The following DPP6 variants were observed in gnomAD, a reference collection of about 807,000 sequenced individuals.
DPP6 encodes the protein dipeptidyl peptidase like 6, also known as A-type potassium channel modulatory protein DPP6.
In DPP6, 69 loss-of-function variants were observed where a neutral mutation model predicts 122.6. The ratio of observed to expected loss-of-function variants is 0.56; its 90% CI spans 0.46 to 0.69. The LOEUF (loss-of-function observed/expected upper bound fraction) is 0.69, where lower values mean the gene tolerates loss of function less well. Among genes scored for constraint, DPP6 ranks in the 30% least tolerant of loss-of-function variants. DPP6 has a pLI of 0.00. For synonymous variants in DPP6, 418 were observed against 433.1 expected, an observed-to-expected ratio of 0.97 and a Z score of 0.43; for missense variants, 928 against 1,116.9, an observed-to-expected ratio of 0.83 and a Z score of 2.41.
At chr7:154,531,980 A>G (rs1301366505) in intron 3 of DPP6, among the ~76,000 whole-genome samples, 1 of 152,144 alleles carries the variant, frequency 6.6e-6, no homozygotes, top group Non-Finnish European at 1.5e-5. Flanking sequence ...AAATAATGAG[A>G]GAGAAACAAG....
chr7:154,677,990 A>G (rs1251243043), intron 7 of DPP6, among the ~76,000 whole-genome samples: 4 of 152,220 alleles, frequency 2.6e-5, no homozygotes, highest in African/African-American at 9.6e-5. Flanking sequence ...AAAGGTTTGT[A>G]AACGCAGGGA....
At chr7:153,837,621 G>C in the DPP6 span, among the ~76,000 whole-genome samples, 5 of 152,012 alleles carry the variant, frequency 3.3e-5, no homozygotes, top group Non-Finnish European at 5.9e-5. Context: ...CTGTCTTATT[G>C]AATGTATAGA....
intron 8 of DPP6, among the ~76,000 whole-genome samples, chr7:154,754,418 T>C (rs1001824772): frequency 3.3e-5 from 5 of 152,260 alleles, no homozygotes; most frequent in Admixed American, 2.6e-4. Flanking sequence ...GGTAGTTAAG[T>C]CACTGTCTAA....
intron 1 of DPP6, among the ~76,000 whole-genome samples, chr7:154,247,531 G>A (rs972816167): frequency 6.6e-6 from 1 of 152,092 alleles, no homozygotes; most frequent in African/African-American, 2.4e-5. Flanking sequence ...GGAAATGCCA[G>A]CTAAAACCAT....
chr7:154,859,721 C>T (rs1347487234), intron 17 of DPP6, among the ~76,000 whole-genome samples: 2 of 152,112 alleles, frequency 1.3e-5, no homozygotes, highest in African/African-American at 2.4e-5. Context: ...TCATTTGGTG[C>T]CTGGATATTC....
At chr7:154,508,533 A>G (rs1825830481) in intron 3 of DPP6, among the ~76,000 whole-genome samples, 1 of 152,170 alleles carries the variant, frequency 6.6e-6, no homozygotes, top group Non-Finnish European at 1.5e-5. Context: ...TATATTTCCC[A>G]TTAATTCACA....
chr7:154,852,676 T>A (rs1426715429), intron 16 of DPP6, among the ~76,000 whole-genome samples: 2 of 152,224 alleles, frequency 1.3e-5, no homozygotes, highest in Non-Finnish European at 1.5e-5. Flanking sequence ...TTCTTGACTG[T>A]CTCGGAGCTT....
intron 1 of DPP6, chr7:153,887,787 G>A: frequency 6.3e-7 from 1 of 1,595,442 alleles, no homozygotes; most frequent in Non-Finnish European, 8.6e-7. Flanking sequence ...ACCGTGAGGA[G>A]CGATGCTGGG....
chr7:154,368,128 G>A (rs1234001099), intron 1 of DPP6, among the ~76,000 whole-genome samples: 1 of 152,196 alleles, frequency 6.6e-6, no homozygotes, highest in African/African-American at 2.4e-5. Flanking sequence ...ACTGTGGAAT[G>A]TAAGTGAAAT....
chr7:154,501,973 C>T (rs1156698523), intron 3 of DPP6, among the ~76,000 whole-genome samples: 2 of 152,146 alleles, frequency 1.3e-5, no homozygotes, highest in East Asian at 1.9e-4. Flanking sequence ...CATAAGAACC[C>T]ACCTCTTGCA....
chr7:154,064,662 T>C lies in DPP6; in HGVS notation c.243+11599T>C, dbSNP rs181854336. Among the ~76,000 whole-genome samples, 207 of 152,286 alleles carry C rather than the reference T, an allele frequency of 1.4e-3. 3 individuals are homozygous for C. Among genetic ancestry groups the C allele is most frequent in the Non-Finnish European group, 2.0e-3 (137 of 68,016 alleles). On this transcript the variant is annotated intron_variant, in intron 1 of 25. Transcript: ENST00000377770. ...CCTAACTCTCAGATTTACTTTTCTC[T>C]GTGGGTGTTAATCTCAAGCAGATAG... is the stretch of plus-strand genomic sequence containing the variant.
intron 1 of DPP6, among the ~76,000 whole-genome samples, chr7:154,377,214 C>A (rs1411436555): frequency 6.6e-6 from 1 of 152,034 alleles, no homozygotes; most frequent in Non-Finnish European, 1.5e-5. Flanking sequence ...TGAAATGGGG[C>A]AGTGAGTCAT....
At chr7:154,633,322 C>T (rs903189839) in intron 5 of DPP6, among the ~76,000 whole-genome samples, 2 of 152,124 alleles carry the variant, frequency 1.3e-5, no homozygotes, top group Non-Finnish European at 2.9e-5. Context: ...CTGCAACCTC[C>T]GCCTCCTGGG....
rs953877265 is a variant in DPP6, at chr7:154,843,362, A to C, written c.1667-10418A>C. The stretch of plus-strand genomic sequence containing the variant: ...GTTCCAAGACTAGACCTAAACATAA[A>C]GATACCAGAGATATTGGCTGGGAAA... On this transcript the variant is annotated intron_variant, in intron 16 of 25. Transcript: ENST00000377770. Among the ~76,000 whole-genome samples, 3 of 152,254 alleles carry C rather than the reference A, an allele frequency of 2.0e-5. No individual in the cohort carries two copies. The East Asian group carries it at 5.8e-4, about 29-fold the overall frequency.
At chr7:153,843,280 GCACA>G in the DPP6 span, among the ~76,000 whole-genome samples, 23 of 113,436 alleles carry the variant, frequency 2.0e-4, 1 homozygote, top group Admixed American at 1.4e-3. Context: ...ATGCGCGCGC[GCACA>G]CACACACACA....
intron 1 of DPP6, among the ~76,000 whole-genome samples, chr7:154,032,699 T>C (rs1352263202): frequency 6.6e-6 from 1 of 152,196 alleles, no homozygotes; most frequent in Non-Finnish European, 1.5e-5. Flanking sequence ...TTCTGACAAA[T>C]GAAATGCTGG....
At chr7:153,792,976 A>G in the DPP6 span, among the ~76,000 whole-genome samples, 1 of 152,178 alleles carries the variant, frequency 6.6e-6, no homozygotes, top group Non-Finnish European at 1.5e-5. Flanking sequence ...ACCTCCCACC[A>G]TGATTCTGAG....
intron 1 of DPP6, among the ~76,000 whole-genome samples, chr7:153,913,705 A>C (rs1800184183): frequency 6.6e-6 from 1 of 152,016 alleles, no homozygotes; most frequent in Admixed American, 6.5e-5. Context: ...GCTTTTTCAG[A>C]CCTTAGAAAC....
chr7:154,662,836 A>G (rs57253576), intron 6 of DPP6, among the ~76,000 whole-genome samples: 2,768 of 20,904 alleles, frequency 0.13, 649 homozygotes, highest in East Asian at 0.65. Context: ...TATTCATATA[A>G]TCATGATGAA....
Sources: allele counts gnomAD v4.1 joint callset (sites outside exome capture counted in the v4.1 genomes callset), GRCh38; gene constraint gnomAD v4.1.1; transcripts MANE v1.5; gene names NCBI Gene and HGNC (gene_info 2026-07-23, HGNC 2026-07-21).